MAGI2: variants seen among roughly 807,000 people sequenced by gnomAD.
MAGI2 encodes membrane-associated guanylate kinase, WW and PDZ domain-containing protein 2.
A neutral mutation model predicts 133.3 loss-of-function variants in MAGI2; 35 were observed. The ratio of observed to expected loss-of-function variants is 0.26; its 90% CI spans 0.20 to 0.35. The LOEUF (loss-of-function observed/expected upper bound fraction) is 0.35, where lower values mean the gene tolerates loss of function less well. MAGI2 is among the 10% of genes least tolerant of loss of function. MAGI2 has a pLI of 1.00. For missense variants in MAGI2, 1,636 were observed against 1,863.4 expected (o/e 0.88, Z 2.25); for synonymous variants, 729 against 710.6 (o/e 1.03, Z -0.41).
intron 2 of MAGI2, among the ~76,000 whole-genome samples, chr7:78,817,195 T>C (rs532242204): frequency 1.9e-4 from 29 of 152,340 alleles, no homozygotes; most frequent in Non-Finnish European, 4.1e-4. Flanking sequence ...GTGAGTGAAT[T>C]GCTACAAACT....
At chr7:79,188,885 A>G (rs1395591326) in intron 1 of MAGI2, among the ~76,000 whole-genome samples, 6 of 151,884 alleles carry the variant, frequency 4.0e-5, no homozygotes, top group Non-Finnish European at 7.4e-5. Flanking sequence ...CGTGTATATT[A>G]TTTAAAACAG....
rs566761847 is a variant in MAGI2, at chr7:78,148,866, G to A, written c.2845+11159C>T. 2.0e-5 allele frequency among the ~76,000 whole-genome samples: 3 copies of A among 152,212 alleles called. 1 individual carries two copies. In the South Asian group the frequency reaches 6.2e-4, roughly 32 times the overall value. ...GTCTTAATGTCTATGCTAGGGGTTT[G>A]GAATTTATATTATAGCCAATTGAGG... On this transcript the variant is annotated intron_variant, in intron 16 of 21. Coordinates refer to ENST00000354212, the MANE Select transcript of MAGI2 (RefSeq NM_012301.4).
At position 78,501,656 on chromosome 7, in the gene MAGI2, C is replaced by G. The variant is rs764592675; in HGVS notation, c.886G>C (p.Glu296Gln). ...AATGGGTCTGGTTCCTCATTGTCTTCAGGTTTAGTTGGCTTTGTGTCATCC... is the reference window on the plus strand; with the variant it reads ...AATGGGTCTGGTTCCTCATTGTCTTGAGGTTTAGTTGGCTTTGTGTCATCC... ...QMDDTKPTKP[E>Q]DNEEPDPLPD... The change falls in exon 5 of 22, where the codon GAA (glutamate) becomes CAA (glutamine). Residue 296 changes from glutamate to glutamine, a missense_variant. This residue lies in a region of MAGI2 where 165 missense variants were observed against 128.4 expected (regional missense o/e 1.28). Transcript: ENST00000354212. 2 of 1,614,138 alleles carry G rather than the reference C, an allele frequency of 1.2e-6. No homozygotes were observed. The highest frequency in any genetic ancestry group is 1.7e-6 in the Non-Finnish European group (2 of 1,180,028).
At chr7:78,188,152 A>G (rs1408222267) in intron 12 of MAGI2, among the ~76,000 whole-genome samples, 1 of 152,216 alleles carries the variant, frequency 6.6e-6, no homozygotes, top group Admixed American at 6.5e-5. Flanking sequence ...TACTTAGCTC[A>G]TACCATGGTA....
chr7:78,479,358 C>G (rs1055139103), intron 6 of MAGI2, among the ~76,000 whole-genome samples: 4 of 151,894 alleles, frequency 2.6e-5, no homozygotes, highest in Non-Finnish European at 5.9e-5. Flanking sequence ...CCATCCTCTT[C>G]CCCGTACCTG....
chr7:78,269,356 G>T (rs564391199), intron 9 of MAGI2, among the ~76,000 whole-genome samples: 1 of 152,268 alleles, frequency 6.6e-6, no homozygotes, highest in East Asian at 1.9e-4. Context: ...TTGAGGGATT[G>T]CCACACTGTC....
intron 1 of MAGI2, among the ~76,000 whole-genome samples, chr7:79,162,212 T>C (rs534201678): frequency 9.2e-5 from 14 of 152,170 alleles, no homozygotes; most frequent in African/African-American, 3.4e-4. Flanking sequence ...TTTCATCATA[T>C]TTTTACTTGG....
chr7:79,185,525 T>C (rs983298328), intron 1 of MAGI2, among the ~76,000 whole-genome samples: 4 of 151,036 alleles, frequency 2.6e-5, no homozygotes, highest in African/African-American at 9.8e-5. Flanking sequence ...CATTTTTTTT[T>C]TTTTTTTTTT....
At chr7:78,863,321 T>C (rs1245987709) in intron 2 of MAGI2, among the ~76,000 whole-genome samples, 1 of 152,224 alleles carries the variant, frequency 6.6e-6, no homozygotes, top group Non-Finnish European at 1.5e-5. Flanking sequence ...CTTATGACTT[T>C]TCTGGCTGAA....
intron 2 of MAGI2, among the ~76,000 whole-genome samples, chr7:78,937,435 C>A (rs1016824428): frequency 6.6e-6 from 1 of 151,994 alleles, no homozygotes; most frequent in Non-Finnish European, 1.5e-5. Context: ...TAGTTGCAGA[C>A]AAAAATTATT....
chr7:78,632,984 G>A (rs1314431315), intron 2 of MAGI2, among the ~76,000 whole-genome samples: 1 of 152,162 alleles, frequency 6.6e-6, no homozygotes, highest in Non-Finnish European at 1.5e-5. Flanking sequence ...CAAAGACATG[G>A]AATCAACCTA....
At chr7:79,170,396 A>T (rs1000977890) in intron 1 of MAGI2, among the ~76,000 whole-genome samples, 1 of 151,838 alleles carries the variant, frequency 6.6e-6, no homozygotes, top group African/African-American at 2.4e-5. Context: ...AGTTGGTCTC[A>T]AACTTCTAGC....
At chr7:78,841,193 T>C (rs1792115299) in intron 2 of MAGI2, among the ~76,000 whole-genome samples, 1 of 152,028 alleles carries the variant, frequency 6.6e-6, no homozygotes, top group Admixed American at 6.6e-5. Flanking sequence ...TACACTGAAG[T>C]ACTATAGCTG....
At chr7:78,163,633 C>T (rs1424063425) in intron 15 of MAGI2, among the ~76,000 whole-genome samples, 1 of 152,094 alleles carries the variant, frequency 6.6e-6, no homozygotes, top group East Asian at 1.9e-4. Context: ...GCCTATATTT[C>T]ATTCGATAAT....
At chr7:78,456,663 A>G (rs1789352814) in intron 6 of MAGI2, among the ~76,000 whole-genome samples, 1 of 152,212 alleles carries the variant, frequency 6.6e-6, no homozygotes, top group African/African-American at 2.4e-5. Flanking sequence ...AGGAAGACAT[A>G]CAAAATACAG....
chr7:78,594,492 T>C (rs1489693608), intron 3 of MAGI2, among the ~76,000 whole-genome samples: 2 of 152,176 alleles, frequency 1.3e-5, no homozygotes, highest in Admixed American at 6.5e-5. Context: ...AGAGTCTTGC[T>C]CTGTTGCCAG....
chr7:78,234,203 C>T (rs1305829342), intron 10 of MAGI2, among the ~76,000 whole-genome samples: 2 of 152,142 alleles, frequency 1.3e-5, no homozygotes. Context: ...ATCCATGCTT[C>T]CCTTGTTAAA....
rs528870930 is a variant in MAGI2, at chr7:79,240,627, A to G, written c.301+212393T>C. Among the ~76,000 whole-genome samples, 4 of 152,266 alleles carry G rather than the reference A, an allele frequency of 2.6e-5. No homozygotes were observed. In the East Asian group the frequency reaches 7.7e-4, roughly 29 times the overall value. On this transcript the variant is annotated intron_variant, in intron 1 of 21. Coordinates refer to ENST00000354212, the MANE Select transcript of MAGI2 (RefSeq NM_012301.4). The stretch of plus-strand genomic sequence containing the variant: ...CTCTTCTTTGATATGAATCTGTTAA[A>G]TTACAATTTTTGTCTCCTTCCAACT...
At chr7:78,336,955 G>A (rs911358757) in intron 9 of MAGI2, among the ~76,000 whole-genome samples, 8 of 152,108 alleles carry the variant, frequency 5.3e-5, no homozygotes, top group African/African-American at 1.9e-4. Context: ...GCCTATGGAA[G>A]CACTTCATGA....
Sources: allele counts gnomAD v4.1 joint callset (sites outside exome capture counted in the v4.1 genomes callset), GRCh38; gene constraint gnomAD v4.1.1; regional missense constraint gnomAD v4.1.1; transcripts MANE v1.5; gene names NCBI Gene and HGNC (gene_info 2026-07-23, HGNC 2026-07-21).